The following NLRP12 variants were observed in gnomAD, a reference collection of about 807,000 sequenced individuals.
NLRP12 encodes NACHT, LRR and PYD domains-containing protein 12.
NLRP12 carries 108 observed loss-of-function variants against 91.2 expected under a neutral mutation model. The observed-to-expected ratio is 1.18, with a 90% confidence interval of 1.01 to 1.39. The LOEUF (loss-of-function observed/expected upper bound fraction) is 1.39, where lower values mean the gene tolerates loss of function less well. NLRP12 is among the 40% of genes most tolerant of loss of function. The pLI, the probability that NLRP12 is intolerant of heterozygous loss-of-function variation, is 0.00. For missense variants in NLRP12, 1,530 were observed against 1,352.7 expected (o/e 1.13, Z -2.06); for synonymous variants, 613 against 566.7 (o/e 1.08, Z -1.16).
chr19:53,819,449 A>ATG (rs1489362788), intron 1 of NLRP12, among the ~76,000 whole-genome samples: 12 of 14,072 alleles, frequency 8.5e-4, no homozygotes, highest in Non-Finnish European at 1.5e-3. Flanking sequence ...ATATATATAT[A>ATG]TATATATATG....
chr19:53,794,728 A>G (rs1157824445), intron 9 of NLRP12, among the ~76,000 whole-genome samples: 1 of 147,920 alleles, frequency 6.8e-6, no homozygotes. Context: ...GTGCAGTGGC[A>G]TGATCTCAGC....
At chr19:53,814,881 C>T in intron 2 of NLRP12, 27 bp downstream of exon 2, 1 of 1,585,112 alleles carries the variant, frequency 6.3e-7, no homozygotes, top group South Asian at 1.1e-5. Context: ...TAGATGAATA[C>T]ATGTAGGTAC....
intron 6 of NLRP12, 44 bp downstream of exon 6, chr19:53,803,908 A>G: frequency 6.3e-7 from 1 of 1,576,254 alleles, no homozygotes. Flanking sequence ...TTCAATATGA[A>G]GAGATTTGCC....
At chr19:53,804,260 T>C in intron 5 of NLRP12, 138 bp from the exon 6 acceptor site, 2 of 974,282 alleles carry the variant, frequency 2.1e-6, no homozygotes, top group Non-Finnish European at 1.6e-6. Context: ...TGGAGTGATA[T>C]CAACTCGCTG....
chr19:53,798,194 C>CCACTGTCCA, intron 8 of NLRP12, 49 bp downstream of exon 8: 1 of 1,598,614 alleles, frequency 6.3e-7, no homozygotes, highest in South Asian at 1.1e-5. Flanking sequence ...GAAGGCGCTT[C>CCACTGTCCA]CACTGTCCAA....
intron 6 of NLRP12, among the ~76,000 whole-genome samples, chr19:53,802,542 C>A (rs997022887): frequency 3.3e-5 from 5 of 151,898 alleles, no homozygotes; most frequent in African/African-American, 2.4e-5. Context: ...CCCGTCTCTA[C>A]TAAAAATACA....
chr19:53,802,380 A>G (rs1871048603), intron 6 of NLRP12, among the ~76,000 whole-genome samples: 2 of 151,918 alleles, frequency 1.3e-5, no homozygotes, highest in South Asian at 4.2e-4. Context: ...ATAAGATAGC[A>G]TCTCATACCC....
At chr19:53,798,775 CTTG>C (rs1357761270) in intron 7 of NLRP12, among the ~76,000 whole-genome samples, 4 of 152,186 alleles carry the variant, frequency 2.6e-5, no homozygotes, top group East Asian at 1.9e-4. Flanking sequence ...GCGTTTCCCT[CTTG>C]TTGTCCAGGC....
intron 1 of NLRP12, among the ~76,000 whole-genome samples, chr19:53,819,684 CAT>C (rs1568696874): frequency 3.5e-5 from 2 of 57,396 alleles, no homozygotes; most frequent in Non-Finnish European, 8.6e-5. Context: ...TGTATGTATA[CAT>C]ATATATACAC....
chr19:53,823,801 C>T, intron 1 of NLRP12, 85 bp downstream of exon 1: 7 of 1,494,954 alleles, frequency 4.7e-6, no homozygotes, highest in Non-Finnish European at 6.5e-6. Flanking sequence ...CTGCCCTCTT[C>T]AGCCTCCCAA....
chr19:53,796,791 G>A (rs1394593446), intron 8 of NLRP12, among the ~76,000 whole-genome samples: 1 of 151,886 alleles, frequency 6.6e-6, no homozygotes, highest in South Asian at 2.1e-4. Flanking sequence ...GAGGTCGGGA[G>A]TTCAAGACCA....
At position 53,823,833 on chromosome 19, in the gene NLRP12, A is replaced by T. The variant is rs2092304673; in HGVS notation, c.289+53T>A. The T allele has an allele frequency of 4.4e-6, 7 of 1,600,950 alleles. No homozygotes were observed. In the East Asian group the frequency reaches 1.6e-4, roughly 36 times the overall value. ...CCAAAGTGCTGAGATTACAGGTATG[A>T]GTCACTGGACCCGGCTGGCATTCTA... On this transcript the variant is annotated intron_variant, in intron 1 of 9. Transcript: ENST00000324134.
intron 2 of NLRP12, among the ~76,000 whole-genome samples, chr19:53,811,511 C>G (rs2092076677): frequency 1.3e-5 from 2 of 151,098 alleles, no homozygotes; most frequent in Admixed American, 1.3e-4. Context: ...CAGACTCCAT[C>G]TCAAAAAAAA....
At chr19:53,820,889 C>T (rs1483705916) in intron 1 of NLRP12, among the ~76,000 whole-genome samples, 10 of 151,778 alleles carry the variant, frequency 6.6e-5, no homozygotes, top group Non-Finnish European at 1.5e-4. Context: ...TTTAAAAAAA[C>T]AATTCCACAG....
intron 1 of NLRP12, among the ~76,000 whole-genome samples, chr19:53,823,486 TA>T (rs1233386138): frequency 1.4e-3 from 131 of 90,570 alleles, no homozygotes; most frequent in African/African-American, 5.3e-3. Flanking sequence ...ATATATATTT[TA>T]AAATATATTT....
chr19:53,804,773 A>T (rs2091930970), intron 5 of NLRP12, among the ~76,000 whole-genome samples: 1 of 151,212 alleles, frequency 6.6e-6, no homozygotes, highest in African/African-American at 2.4e-5. Context: ...CACACCTGTA[A>T]TTCCAGCACT....
chr19:53,802,925 A>AT (rs1422225054), intron 6 of NLRP12, among the ~76,000 whole-genome samples: 2 of 151,938 alleles, frequency 1.3e-5, no homozygotes, highest in East Asian at 3.9e-4. Flanking sequence ...AATTATGTTT[A>AT]TTTTTTGTAG....
intron 1 of NLRP12, among the ~76,000 whole-genome samples, chr19:53,821,244 G>T (rs1458445153): frequency 6.6e-6 from 1 of 151,592 alleles, no homozygotes; most frequent in Non-Finnish European, 1.5e-5. Context: ...CACCATGTTG[G>T]CCAGGCTGGT....
At chr19:53,797,137 A>T (rs994261941) in intron 8 of NLRP12, among the ~76,000 whole-genome samples, 45 of 150,738 alleles carry the variant, frequency 3.0e-4, no homozygotes, top group South Asian at 6.3e-4. Context: ...TTGAATTATT[A>T]TTTTTTTTTC....
Sources: allele counts gnomAD v4.1 joint callset (sites outside exome capture counted in the v4.1 genomes callset), GRCh38; gene constraint gnomAD v4.1.1; transcripts MANE v1.5; gene names NCBI Gene and HGNC (gene_info 2026-07-23, HGNC 2026-07-21).